CTNNA3: variants seen among roughly 807,000 people sequenced by gnomAD.
The protein encoded by CTNNA3 is catenin alpha-3.
A neutral mutation model predicts 95.7 loss-of-function variants in CTNNA3; 76 were observed. That is an observed-to-expected ratio of 0.79 (90% CI 0.66 to 0.96). The LOEUF is 0.96. CTNNA3 is among the 40% of genes least tolerant of loss of function. The probability of loss-of-function intolerance (pLI) is 0.00; values close to 1 mark genes in which losing one functional copy is unlikely to be tolerated. For missense variants in CTNNA3, 1,191 were observed against 1,089.8 expected, an observed-to-expected ratio of 1.09 and a Z score of -1.31; for synonymous variants, 431 against 374.4, an observed-to-expected ratio of 1.15 and a Z score of -1.74.
chr10:66,873,769 A>G (rs1844504940), intron 7 of CTNNA3, among the ~76,000 whole-genome samples: 1 of 152,186 alleles, frequency 6.6e-6, no homozygotes, highest in Admixed American at 6.5e-5. Context: ...CTCAAGATGG[A>G]TTAAAGAGTT....
At chr10:67,020,493 A>T (rs1852937665) in intron 7 of CTNNA3, among the ~76,000 whole-genome samples, 1 of 152,172 alleles carries the variant, frequency 6.6e-6, no homozygotes, top group African/African-American at 2.4e-5. Context: ...AGAGTCTAAC[A>T]ATTTATCCCC....
chr10:66,527,743 A>G (rs909109542), intron 10 of CTNNA3, among the ~76,000 whole-genome samples: 4 of 151,954 alleles, frequency 2.6e-5, no homozygotes, highest in African/African-American at 9.7e-5. Context: ...CAGATTGTTC[A>G]TTGTTCGTAT....
intron 7 of CTNNA3, among the ~76,000 whole-genome samples, chr10:66,833,370 G>A (rs1842787384): frequency 6.6e-6 from 1 of 152,088 alleles, no homozygotes; most frequent in Non-Finnish European, 1.5e-5. Flanking sequence ...TTTCTATCTT[G>A]TTTATATCTC....
At chr10:67,609,015 G>A (rs545521081) in intron 2 of CTNNA3, among the ~76,000 whole-genome samples, 1 of 148,786 alleles carries the variant, frequency 6.7e-6, no homozygotes, top group Non-Finnish European at 1.5e-5. Context: ...GCTTGAACCC[G>A]GCAGGCAGAG....
intron 11 of CTNNA3, among the ~76,000 whole-genome samples, chr10:66,476,658 T>C (rs1839337816): frequency 1.3e-5 from 2 of 152,084 alleles, no homozygotes; most frequent in Non-Finnish European, 2.9e-5. Context: ...TGCAGAAAAA[T>C]ATATTTCATC....
rs556293946 is a variant in CTNNA3, at chr10:66,538,819, T to C, written c.1375-18046A>G. ...AATTCTATCCTAGCTAGAGATTCAC[T>C]GAACAGAAAAGGAGCATTTTTAGAG... On this transcript the variant is annotated intron_variant, in intron 10 of 17. Coordinates refer to ENST00000433211, the MANE Select transcript of CTNNA3 (RefSeq NM_013266.4). Among the ~76,000 whole-genome samples, 30 of 152,294 alleles carry C rather than the reference T, an allele frequency of 2.0e-4. 1 individual carries two copies. The highest frequency in any genetic ancestry group is 5.2e-4 in the Admixed American group (8 of 15,292).
chr10:65,978,495 TAA>T (rs1473801184), intron 16 of CTNNA3, among the ~76,000 whole-genome samples: 9 of 146,892 alleles, frequency 6.1e-5, no homozygotes, highest in East Asian at 3.9e-4. Flanking sequence ...TTTTTTTTTT[TAA>T]CTTTCATTCT....
intron 11 of CTNNA3, among the ~76,000 whole-genome samples, chr10:66,493,276 C>T (rs947097772): frequency 6.6e-6 from 1 of 152,132 alleles, no homozygotes; most frequent in African/African-American, 2.4e-5. Flanking sequence ...TATAAAACAG[C>T]TTTATAATGT....
chr10:66,759,422 A>G (rs1839512442), intron 9 of CTNNA3, among the ~76,000 whole-genome samples: 3 of 152,166 alleles, frequency 2.0e-5, no homozygotes, highest in Admixed American at 2.0e-4. Context: ...TACTTTACTC[A>G]ATAAATCACG....
At chr10:66,858,014 C>G (rs1589341762) in intron 7 of CTNNA3, among the ~76,000 whole-genome samples, 1 of 151,976 alleles carries the variant, frequency 6.6e-6, no homozygotes. Context: ...TAGCTTTTAC[C>G]CATTCAGTAT....
intron 11 of CTNNA3, among the ~76,000 whole-genome samples, chr10:66,471,336 G>C (rs1839124407): frequency 6.6e-6 from 1 of 151,548 alleles, no homozygotes; most frequent in African/African-American, 2.4e-5. Context: ...GATTCATAAA[G>C]AATACAGCTA....
At chr10:66,964,980 A>G (rs984724636) in intron 7 of CTNNA3, among the ~76,000 whole-genome samples, 7 of 152,238 alleles carry the variant, frequency 4.6e-5, no homozygotes, top group African/African-American at 1.7e-4. Context: ...AAGCAATAAA[A>G]TAAGATGAAT....
intron 17 of CTNNA3, among the ~76,000 whole-genome samples, chr10:65,928,379 C>T (rs1411955035): frequency 6.6e-6 from 1 of 152,140 alleles, no homozygotes; most frequent in East Asian, 1.9e-4. Context: ...ACATCACTTT[C>T]TCAGGGAAGA....
intron 3 of CTNNA3, among the ~76,000 whole-genome samples, chr10:67,564,673 G>GTC (rs1183217023): frequency 1.4e-5 from 1 of 72,410 alleles, no homozygotes; most frequent in African/African-American, 8.1e-5. Flanking sequence ...ATGTGTGTGT[G>GTC]TGTGTATATA....
intron 11 of CTNNA3, among the ~76,000 whole-genome samples, chr10:66,379,940 G>A (rs777509046): frequency 1.3e-5 from 2 of 152,094 alleles, no homozygotes; most frequent in Non-Finnish European, 2.9e-5. Context: ...TAAAACTAAT[G>A]AATGAAGATG....
At chr10:67,371,323 G>A (rs1219997295) in intron 5 of CTNNA3, among the ~76,000 whole-genome samples, 1 of 151,424 alleles carries the variant, frequency 6.6e-6, no homozygotes, top group East Asian at 1.9e-4. Context: ...TTGGTGTGCT[G>A]CACCCATTAA....
chr10:67,487,792 C>A (rs985023424), intron 5 of CTNNA3, among the ~76,000 whole-genome samples: 2 of 152,190 alleles, frequency 1.3e-5, no homozygotes, highest in African/African-American at 4.8e-5. Flanking sequence ...AGCACTCACA[C>A]ACCTCACCAA....
intron 5 of CTNNA3, among the ~76,000 whole-genome samples, chr10:67,387,522 A>C: frequency 6.6e-6 from 1 of 152,208 alleles, no homozygotes; most frequent in Non-Finnish European, 1.5e-5. Flanking sequence ...TAGGTAAACA[A>C]AGCAGCCGGG....
chr10:66,362,708 T>A (rs1375481208), intron 12 of CTNNA3, among the ~76,000 whole-genome samples: 1 of 151,706 alleles, frequency 6.6e-6, no homozygotes, highest in East Asian at 2.0e-4. Flanking sequence ...GTGAGACTAC[T>A]TCCCCCTGCC....
Sources: gnomAD v4.1 joint callset for allele counts (sites outside exome capture counted in the v4.1 genomes callset) on GRCh38, gnomAD v4.1.1 for gene constraint, MANE v1.5 for transcripts, NCBI Gene and HGNC (gene_info 2026-07-23, HGNC 2026-07-21) for gene names.